DLG2: variants seen among roughly 807,000 people sequenced by gnomAD.
The protein encoded by DLG2 is discs large MAGUK scaffold protein 2.
Under a neutral mutation model 132.5 loss-of-function variants are expected in DLG2, and 45 were observed. The ratio of observed to expected loss-of-function variants is 0.34; its 90% confidence interval spans 0.27 to 0.44. The LOEUF is 0.44. Among genes scored for constraint, DLG2 ranks in the 20% least tolerant of loss-of-function variants. DLG2 has a pLI of 1.00. For missense variants in DLG2, 1,045 were observed against 1,196.9 expected (o/e 0.87, Z 1.87); for synonymous variants, 424 against 419.6 (o/e 1.01, Z -0.13).
At chr11:84,367,198 C>T (rs907927329) in intron 7 of DLG2, among the ~76,000 whole-genome samples, 1 of 152,120 alleles carries the variant, frequency 6.6e-6, no homozygotes. Context: ...ACTAAACAAC[C>T]TGCTCAAATA....
chr11:83,975,848 G>A (rs568113940), intron 12 of DLG2, among the ~76,000 whole-genome samples: 27 of 151,890 alleles, frequency 1.8e-4, no homozygotes, highest in African/African-American at 6.0e-4. Flanking sequence ...GACATTTACA[G>A]GAAAATATAT....
chr11:85,519,039 A>G (rs1036988804), intron 3 of DLG2, among the ~76,000 whole-genome samples: 1 of 152,214 alleles, frequency 6.6e-6, no homozygotes, highest in Non-Finnish European at 1.5e-5. Context: ...AAACACCCGG[A>G]TACCGAGACA....
At chr11:84,923,151 C>T in intron 6 of DLG2, 1 of 1,613,380 alleles carries the variant, frequency 6.2e-7, no homozygotes. Context: ...GACCGGTATT[C>T]AGCTTCTCAG....
intron 5 of DLG2, among the ~76,000 whole-genome samples, chr11:85,143,004 C>G (rs948664467): frequency 6.6e-6 from 1 of 151,606 alleles, no homozygotes; most frequent in Non-Finnish European, 1.5e-5. Context: ...AGATATTTGC[C>G]TATAGTTTTC....
chr11:84,004,180 A>G (rs2094475465), intron 11 of DLG2, among the ~76,000 whole-genome samples: 1 of 152,166 alleles, frequency 6.6e-6, no homozygotes, highest in Non-Finnish European at 1.5e-5. Flanking sequence ...TCTTCAAAAA[A>G]TCCTCAACAA....
chr11:83,757,754 C>A (rs892093469), intron 18 of DLG2, among the ~76,000 whole-genome samples: 2 of 152,176 alleles, frequency 1.3e-5, no homozygotes, highest in Admixed American at 6.5e-5. Context: ...CACACTCATA[C>A]ATGCACATTC....
intron 2 of DLG2, among the ~76,000 whole-genome samples, chr11:85,609,991 G>A (rs981098972): frequency 6.6e-6 from 1 of 150,376 alleles, no homozygotes; most frequent in Non-Finnish European, 1.5e-5. Flanking sequence ...AGCCAAAGCT[G>A]GAGCTATTAT....
chr11:84,035,524 A>G (rs1458305050), intron 11 of DLG2, among the ~76,000 whole-genome samples: 2 of 152,210 alleles, frequency 1.3e-5, no homozygotes, highest in East Asian at 3.8e-4. Context: ...ACTTTGAAAC[A>G]GTTGTAAGAA....
intron 3 of DLG2, among the ~76,000 whole-genome samples, chr11:85,527,762 G>C (rs1364547701): frequency 2.6e-5 from 4 of 152,122 alleles, no homozygotes; most frequent in Non-Finnish European, 5.9e-5. Context: ...GATCCTTGAG[G>C]CATCACCACA....
intron 6 of DLG2, among the ~76,000 whole-genome samples, chr11:84,585,635 C>A (rs2099527830): frequency 6.6e-6 from 1 of 152,160 alleles, no homozygotes; most frequent in African/African-American, 2.4e-5. Context: ...TATCCATGAC[C>A]ATAGCAGGCC....
At chr11:83,716,075 C>T (rs1293983304) in intron 18 of DLG2, among the ~76,000 whole-genome samples, 1 of 152,166 alleles carries the variant, frequency 6.6e-6, no homozygotes, top group Non-Finnish European at 1.5e-5. Flanking sequence ...CTCCAATGCC[C>T]ACCATGCCTG....
intron 11 of DLG2, among the ~76,000 whole-genome samples, chr11:84,048,082 A>T (rs531114012): frequency 6.6e-6 from 1 of 151,708 alleles, no homozygotes; most frequent in South Asian, 2.1e-4. Context: ...ACGTGCATGC[A>T]CAAGAAATTC....
In DLG2 at chr11:84,057,151, G is replaced by A. The variant is rs917515449; in HGVS notation, c.919+2164C>T. ...CACTCCGGGCTCAAGGAAGAAAGCA[G>A]TTCAGCATGAAGTAAACCAGCTGGA... On this transcript the variant is annotated intron_variant, in intron 11 of 27. Coordinates refer to ENST00000376104, the MANE Select transcript of DLG2 (RefSeq NM_001142699.3). Among the ~76,000 whole-genome samples, 31 of 152,150 alleles carry A rather than the reference G, an allele frequency of 2.0e-4. 1 individual carries two copies. Among genetic ancestry groups the A allele is most frequent in the African/African-American group, 7.2e-4 (30 of 41,442 alleles).
chr11:85,104,011 A>C (rs575550400), intron 6 of DLG2, among the ~76,000 whole-genome samples: 55 of 152,026 alleles, frequency 3.6e-4, no homozygotes, highest in Non-Finnish European at 6.9e-4. Context: ...AAAATGAGAT[A>C]CTACCTCACA....
At chr11:84,777,265 ATGTATATGTGTGTG>A (rs1383055436) in intron 6 of DLG2, among the ~76,000 whole-genome samples, 3 of 129,796 alleles carry the variant, frequency 2.3e-5, no homozygotes, top group African/African-American at 8.6e-5. Flanking sequence ...TTGTGTGTGT[ATGTATATGTGTGTG>A]TGTATATATA....
chr11:84,648,523 C>A (rs1014392038), intron 6 of DLG2, among the ~76,000 whole-genome samples: 33 of 152,084 alleles, frequency 2.2e-4, no homozygotes, highest in Admixed American at 1.8e-3. Context: ...TTTGTCTCCT[C>A]CGCATCTCAT....
chr11:84,108,709 A>G (rs941517089), intron 9 of DLG2, among the ~76,000 whole-genome samples: 1 of 152,092 alleles, frequency 6.6e-6, no homozygotes, highest in Non-Finnish European at 1.5e-5. Context: ...AAAACAGGGG[A>G]ATTACATTAT....
chr11:84,679,420 T>C (rs993011528), intron 6 of DLG2, among the ~76,000 whole-genome samples: 3 of 152,008 alleles, frequency 2.0e-5, no homozygotes, highest in Non-Finnish European at 4.4e-5. Flanking sequence ...TCTCAAAGTT[T>C]TTTAGGGTTC....
intron 6 of DLG2, among the ~76,000 whole-genome samples, chr11:84,593,571 C>A (rs1264116147): frequency 1.3e-5 from 2 of 152,156 alleles, no homozygotes; most frequent in African/African-American, 4.8e-5. Flanking sequence ...ACCACATGTT[C>A]TCATTCATAA....
Sources: allele counts gnomAD v4.1 joint callset (sites outside exome capture counted in the v4.1 genomes callset), GRCh38; gene constraint gnomAD v4.1.1; transcripts MANE v1.5; gene names NCBI Gene and HGNC (gene_info 2026-07-23, HGNC 2026-07-21).